Variants in ARHGAP39 observed in about 807,000 individuals in gnomAD.
ARHGAP39 encodes the protein Rho GTPase activating protein 39.
ARHGAP39 carries 44 observed loss-of-function variants against 106.9 expected under a neutral mutation model. That is an observed-to-expected ratio of 0.41 (90% confidence interval 0.32 to 0.53). The LOEUF (loss-of-function observed/expected upper bound fraction) is 0.53. Ranked by LOEUF, ARHGAP39 falls within the 20% of genes least tolerant of loss-of-function variation. ARHGAP39 has a pLI of 0.21. For synonymous variants in ARHGAP39, 768 were observed against 693.2 expected (o/e 1.11, Z -1.69); for missense variants, 1,496 against 1,577.3 (o/e 0.95, Z 0.87).
At chr8:144,672,934 G>C (rs533535850) in intron 1 of ARHGAP39, among the ~76,000 whole-genome samples, 1 of 152,104 alleles carries the variant, frequency 6.6e-6, no homozygotes, top group Non-Finnish European at 1.5e-5. Flanking sequence ...CGCTGATCAG[G>C]GGCCAGGCAC....
chr8:144,687,026 G>A (rs868025580), upstream of ARHGAP39, among the ~76,000 whole-genome samples: 153 of 38,044 alleles, frequency 4.0e-3, 1 homozygote, highest in Middle Eastern at 0.018. Flanking sequence ...CCGTGACCAC[G>A]CACTGGCGGC....
intron 1 of ARHGAP39, among the ~76,000 whole-genome samples, chr8:144,661,908 C>A (rs532187984): frequency 1.3e-5 from 2 of 151,252 alleles, no homozygotes; most frequent in East Asian, 2.0e-4. Flanking sequence ...ACCCCGCCCC[C>A]CTTTCCGCAT....
chr8:144,560,945 T>C (rs975338166), intron 3 of ARHGAP39, among the ~76,000 whole-genome samples: 3 of 152,218 alleles, frequency 2.0e-5, no homozygotes, highest in Non-Finnish European at 4.4e-5. Context: ...TGTGGCTCAC[T>C]TGTTAGCCAA....
At chr8:144,551,188 G>T (rs1226029929) in intron 4 of ARHGAP39, among the ~76,000 whole-genome samples, 1 of 151,706 alleles carries the variant, frequency 6.6e-6, no homozygotes, top group Non-Finnish European at 1.5e-5. Flanking sequence ...CCTTTCTGCT[G>T]TCCGTCTAGG....
chr8:144,601,505 G>A (rs1440066965), intron 2 of ARHGAP39, among the ~76,000 whole-genome samples: 2 of 132,770 alleles, frequency 1.5e-5, no homozygotes, highest in African/African-American at 6.3e-5. Flanking sequence ...TGTGTGCGTG[G>A]AGGCATGTGT....
intron 2 of ARHGAP39, among the ~76,000 whole-genome samples, chr8:144,600,813 G>T (rs984901000): frequency 6.7e-6 from 1 of 149,576 alleles, no homozygotes; most frequent in Non-Finnish European, 1.5e-5. Flanking sequence ...CTACCTGCGC[G>T]TGTGTGTGCG....
intron 2 of ARHGAP39, among the ~76,000 whole-genome samples, chr8:144,602,459 G>T (rs1820049816): frequency 7.2e-6 from 1 of 139,330 alleles, no homozygotes; most frequent in African/African-American, 2.7e-5. Context: ...GCGAGCTCGT[G>T]TACCTGTGCA....
chr8:144,648,064 G>A (rs1384825919), intron 1 of ARHGAP39, among the ~76,000 whole-genome samples: 1 of 152,194 alleles, frequency 6.6e-6, no homozygotes. Flanking sequence ...GACCTCAGAG[G>A]TTGGGCTGGA....
Position 144,588,217 on chromosome 8 carries a change from C to T in ARHGAP39, c.81-6940G>A, listed in dbSNP as rs116918131. ...CCTGGCAGGAGTGAGGGCATACAGA[C>T]CCAGCAAGACAGAGCAGGGCCGCCC... On this transcript the variant is annotated intron_variant, in intron 2 of 11. Transcript: ENST00000377307. 3.0e-3 allele frequency among the ~76,000 whole-genome samples: 462 copies of T among 152,310 alleles called. 2 individuals are homozygous for T. Among genetic ancestry groups the T allele is most frequent in the African/African-American group, 5.2e-3 (216 of 41,554 alleles).
At chr8:144,620,805 G>A (rs560661039) in intron 1 of ARHGAP39, among the ~76,000 whole-genome samples, 6 of 152,386 alleles carry the variant, frequency 3.9e-5, no homozygotes, top group South Asian at 2.1e-4. Context: ...AGAAGATGCT[G>A]GGACAGGCAG....
the ARHGAP39 span, among the ~76,000 whole-genome samples, chr8:144,692,291 G>T: frequency 6.6e-6 from 1 of 152,106 alleles, no homozygotes; most frequent in East Asian, 1.9e-4. Context: ...GCTCTGTGGG[G>T]TCTCTTGGCA....
the ARHGAP39 span, among the ~76,000 whole-genome samples, chr8:144,691,713 C>T: frequency 6.6e-6 from 1 of 152,084 alleles, no homozygotes; most frequent in Admixed American, 6.6e-5. Flanking sequence ...CAATCCTAGT[C>T]AGCTCGGGGG....
intron 2 of ARHGAP39, among the ~76,000 whole-genome samples, chr8:144,598,570 T>C (rs544384950): frequency 3.3e-5 from 5 of 152,296 alleles, no homozygotes; most frequent in Admixed American, 6.5e-5. Context: ...CCTCAGCCTC[T>C]AACAAATGGC....
chr8:144,605,390 T>C, intron 2 of ARHGAP39, 145 bp downstream of exon 2: 1 of 810,408 alleles, frequency 1.2e-6, no homozygotes, highest in South Asian at 1.6e-5. Flanking sequence ...ACAGGTGGCA[T>C]CGGCCATCCA....
At position 144,679,157 on chromosome 8, in the gene ARHGAP39, A is replaced by G. The variant is rs1822322854; in HGVS notation, c.-82+6529T>C. ...GCTCTCGCGCATGGTGGCCGGCTCC[A>G]GCGTCCAGCATCTGCGGCTGAGGGG... On this transcript the variant is annotated intron_variant, in intron 1 of 11. Transcript: ENST00000377307. This position sits in a 1 kb window ranked among gnomAD's most constrained non-coding sequence, Gnocchi z 4.7. Among the ~76,000 whole-genome samples the G allele has an allele frequency of 6.6e-6, 1 of 152,210 alleles. No homozygotes were observed. Among genetic ancestry groups the G allele is most frequent in the African/African-American group, 2.4e-5 (1 of 41,462 alleles).
the ARHGAP39 span, among the ~76,000 whole-genome samples, chr8:144,692,177 T>TCTCTGTCTCTTTCCCC: frequency 1.3e-5 from 2 of 152,066 alleles, no homozygotes; most frequent in Non-Finnish European, 2.9e-5. Context: ...CCTCTTTCTC[T>TCTCTGTCTCTTTCCCC]CTCTGTCTCT....
At chr8:144,555,681 T>A in intron 3 of ARHGAP39, 38 bp from the exon 4 acceptor site, 1 of 1,561,932 alleles carries the variant, frequency 6.4e-7, no homozygotes, top group Non-Finnish European at 8.8e-7. Context: ...TGAATATAAG[T>A]GCAATCGTTT....
chr8:144,695,163 C>G, the ARHGAP39 span, among the ~76,000 whole-genome samples: 1 of 141,424 alleles, frequency 7.1e-6, no homozygotes, highest in East Asian at 2.1e-4. Context: ...CAAGCTCCGC[C>G]TCCCGAGTTC....
At chr8:144,634,815 T>C (rs1821135659) in intron 1 of ARHGAP39, among the ~76,000 whole-genome samples, 2 of 142,464 alleles carry the variant, frequency 1.4e-5, no homozygotes, top group African/African-American at 5.3e-5. Context: ...TCCAGGCCTC[T>C]GCAGGCGCAG....
Sources: allele counts gnomAD v4.1 joint callset (sites outside exome capture counted in the v4.1 genomes callset), GRCh38; gene constraint gnomAD v4.1.1; non-coding constraint Gnocchi (gnomAD v3.1); transcripts MANE v1.5; gene names NCBI Gene and HGNC (gene_info 2026-07-23, HGNC 2026-07-21).